The following TSHZ2 variants were observed in gnomAD, a reference collection of about 807,000 sequenced individuals.
TSHZ2 encodes the protein teashirt zinc finger homeobox 2, also known as teashirt homolog 2.
Under a neutral mutation model 74.4 loss-of-function variants are expected in TSHZ2, and 21 were observed. The observed-to-expected ratio is 0.28, with a 90% CI of 0.20 to 0.41. The LOEUF is 0.41. TSHZ2 is among the 10% of genes least tolerant of loss of function. The probability of loss-of-function intolerance (pLI) is 1.00; values close to 1 mark genes in which losing one functional copy is unlikely to be tolerated. For missense variants in TSHZ2, 1,244 were observed against 1,293.5 expected (o/e 0.96, Z 0.59); for synonymous variants, 540 against 515.3 (o/e 1.05, Z -0.65).
chr20:53,362,233 G>A (rs367768925), intron 2 of TSHZ2, among the ~76,000 whole-genome samples: 8 of 146,632 alleles, frequency 5.5e-5, no homozygotes, highest in South Asian at 2.2e-4. Flanking sequence ...TGCCCAGGCC[G>A]GAGCGCAGTG....
intron 1 of TSHZ2, among the ~76,000 whole-genome samples, chr20:53,210,865 A>T (rs193127120): frequency 6.6e-6 from 1 of 152,302 alleles, no homozygotes; most frequent in East Asian, 1.9e-4. Context: ...AACAGAGATT[A>T]CTTCCAGGCA....
intron 1 of TSHZ2, among the ~76,000 whole-genome samples, chr20:53,224,318 A>G (rs1031667039): frequency 2.6e-5 from 4 of 152,346 alleles, no homozygotes; most frequent in Middle Eastern, 3.4e-3. Flanking sequence ...TTTGAGCAAT[A>G]AAGTGTGAAA....
chr20:53,438,936 G>A (rs910584159), intron 2 of TSHZ2, among the ~76,000 whole-genome samples: 3 of 152,080 alleles, frequency 2.0e-5, no homozygotes, highest in Non-Finnish European at 4.4e-5. Flanking sequence ...CTCCAGCCTG[G>A]GCAACAAGAG....
chr20:53,272,509 A>G (rs1164758681), intron 2 of TSHZ2, among the ~76,000 whole-genome samples: 1 of 152,170 alleles, frequency 6.6e-6, no homozygotes. Context: ...CTAGGAAGTG[A>G]TTATACTTCC....
At chr20:53,192,003 A>C (rs1039338624) in intron 1 of TSHZ2, among the ~76,000 whole-genome samples, 4 of 152,172 alleles carry the variant, frequency 2.6e-5, no homozygotes, top group Admixed American at 1.3e-4. Context: ...GGGGTTAGAA[A>C]AATTAAATTA....
intron 2 of TSHZ2, among the ~76,000 whole-genome samples, chr20:53,377,385 C>T (rs969318747): frequency 6.6e-6 from 1 of 152,224 alleles, no homozygotes; most frequent in African/African-American, 2.4e-5. Flanking sequence ...TCAGAGCTCT[C>T]TCACTCGGTA....
At chr20:53,320,768 T>C (rs755680136) in intron 2 of TSHZ2, among the ~76,000 whole-genome samples, 1 of 152,156 alleles carries the variant, frequency 6.6e-6, no homozygotes, top group Non-Finnish European at 1.5e-5. Context: ...CCTCCAGCAT[T>C]CCCTCCCACT....
intron 2 of TSHZ2, among the ~76,000 whole-genome samples, chr20:53,352,012 A>C (rs971869052): frequency 1.3e-5 from 2 of 152,200 alleles, no homozygotes; most frequent in African/African-American, 2.4e-5. Context: ...TACTATGTGC[A>C]CCATAAAAGA....
intron 1 of TSHZ2, among the ~76,000 whole-genome samples, chr20:53,087,270 G>C (rs1158911392): frequency 6.6e-6 from 1 of 152,200 alleles, no homozygotes; most frequent in East Asian, 1.9e-4. Context: ...ATTTCCAGGA[G>C]ATTCTTCAAC....
chr20:53,224,897 G>C (rs1432414657), intron 1 of TSHZ2, among the ~76,000 whole-genome samples: 2 of 151,468 alleles, frequency 1.3e-5, no homozygotes, highest in African/African-American at 4.8e-5. Context: ...TGTTATCATT[G>C]GGTTATGTGT....
Position 53,160,710 on chromosome 20 carries a change from A to G in TSHZ2, c.41-92789A>G, listed in dbSNP as rs535326870. 9.7e-4 allele frequency among the ~76,000 whole-genome samples: 143 copies of G among 146,750 alleles called. 1 individual carries two copies. Among genetic ancestry groups the G allele is most frequent in the African/African-American group, 3.6e-3 (139 of 38,662 alleles). The stretch of plus-strand genomic sequence containing the variant: ...CAGTGAGCTGAGATTGTGCCACTGC[A>G]CTGCAGCCTGGGTGACAGGGCAAGA... On this transcript the variant is annotated intron_variant, in intron 1 of 2. Transcript: ENST00000371497.
intron 1 of TSHZ2, among the ~76,000 whole-genome samples, chr20:53,038,387 T>C (rs6022241): frequency 0.76 from 114,677 of 151,810 alleles, 44,134 homozygotes; most frequent in East Asian, 0.96. Context: ...GTTTCTCCCC[T>C]GGGGAAGAGT....
At chr20:53,299,782 C>G (rs1190519020) in intron 2 of TSHZ2, among the ~76,000 whole-genome samples, 1 of 149,758 alleles carries the variant, frequency 6.7e-6, no homozygotes, top group Non-Finnish European at 1.5e-5. Flanking sequence ...TTTGGTTGTT[C>G]TTCCTTGGAC....
In TSHZ2 at chr20:53,295,265, CTG is replaced by C. The variant is rs536811269; in HGVS notation, c.*8+38696_*8+38697del. Among the ~76,000 whole-genome samples the C allele has an allele frequency of 7.1e-3, 1,081 of 152,304 alleles. 11 individuals are homozygous for C. Among genetic ancestry groups the C allele is most frequent in the Non-Finnish European group, 8.9e-3 (605 of 68,024 alleles). ...TTGCGTTCTGTGGTCCAAAACCCTCCTGTTCAAATCTTGGCCTTGCAGCTTTC... is the reference window on the plus strand; with the variant it reads ...TTGCGTTCTGTGGTCCAAAACCCTCCTTCAAATCTTGGCCTTGCAGCTTTC... On this transcript the variant is annotated intron_variant, in intron 2 of 2. Coordinates refer to ENST00000371497, the MANE Select transcript of TSHZ2 (RefSeq NM_173485.6).
chr20:53,183,208 C>G (rs748397189), intron 1 of TSHZ2, among the ~76,000 whole-genome samples: 2 of 152,152 alleles, frequency 1.3e-5, no homozygotes, highest in Admixed American at 6.5e-5. Flanking sequence ...TGAAAAAGTT[C>G]AAAGGATATT....
chr20:53,457,930 G>C (rs1277134657), intron 2 of TSHZ2, among the ~76,000 whole-genome samples: 1 of 148,966 alleles, frequency 6.7e-6, no homozygotes, highest in Non-Finnish European at 1.5e-5. Context: ...TGGTGGATAA[G>C]CTTTTTGATG....
chr20:53,267,206 C>T (rs1036933919), intron 2 of TSHZ2, among the ~76,000 whole-genome samples: 2 of 152,084 alleles, frequency 1.3e-5, no homozygotes, highest in African/African-American at 4.8e-5. Flanking sequence ...GGATAGGCCT[C>T]GAGGGAAGAT....
intron 2 of TSHZ2, among the ~76,000 whole-genome samples, chr20:53,325,760 G>A (rs959971470): frequency 5.3e-5 from 8 of 152,052 alleles, no homozygotes; most frequent in African/African-American, 9.6e-5. Flanking sequence ...AGGCCCTCCC[G>A]GCTACTTTAG....
intron 2 of TSHZ2, among the ~76,000 whole-genome samples, chr20:53,364,805 G>A (rs1280464009): frequency 6.6e-6 from 1 of 152,234 alleles, no homozygotes; most frequent in East Asian, 1.9e-4. Flanking sequence ...GGAACTTGCA[G>A]CAGGAGTTTT....
Sources: allele counts gnomAD v4.1 joint callset (sites outside exome capture counted in the v4.1 genomes callset), GRCh38; gene constraint gnomAD v4.1.1; transcripts MANE v1.5; gene names NCBI Gene and HGNC (gene_info 2026-07-23, HGNC 2026-07-21).